The following COL25A1 variants were observed in gnomAD, a reference collection of about 807,000 sequenced individuals.
COL25A1 encodes collagen type XXV alpha 1 chain.
A neutral mutation model predicts 128.4 loss-of-function variants in COL25A1; 103 were observed. The observed-to-expected ratio is 0.80, with a 90% CI of 0.68 to 0.94. COL25A1 has a LOEUF of 0.94. Ranked by LOEUF, COL25A1 falls within the 40% of genes least tolerant of loss-of-function variation. The probability of loss-of-function intolerance (pLI) is 0.00; values close to 1 mark genes in which losing one functional copy is unlikely to be tolerated. For missense variants in COL25A1, 745 were observed against 840.0 expected, an observed-to-expected ratio of 0.89 and a Z score of 1.40; for synonymous variants, 279 against 277.2, an observed-to-expected ratio of 1.01 and a Z score of -0.06.
At position 109,213,624 on chromosome 4, in the gene COL25A1, A is replaced by T. The variant is rs1777761711; in HGVS notation, c.367+86959T>A. The stretch of plus-strand genomic sequence containing the variant: ...AGCCATGTAAGTGAGTCATCTTAGA[A>T]ATGGATCCTGCAGCCCCAGTTGAGC... On this transcript the variant is annotated intron_variant, in intron 3 of 37. Coordinates refer to ENST00000399132, the MANE Select transcript of COL25A1 (RefSeq NM_198721.4). Among the ~76,000 whole-genome samples, 3 of 152,300 alleles carry T rather than the reference A, an allele frequency of 2.0e-5. 1 individual carries two copies. In the South Asian group the frequency reaches 6.2e-4, roughly 32 times the overall value.
intron 3 of COL25A1, among the ~76,000 whole-genome samples, chr4:109,127,089 A>T (rs1768694443): frequency 6.6e-6 from 1 of 152,220 alleles, no homozygotes; most frequent in African/African-American, 2.4e-5. Flanking sequence ...ACATGGCTCA[A>T]GGATGTTAGT....
At chr4:108,869,933 T>C (rs1450555146) in intron 19 of COL25A1, among the ~76,000 whole-genome samples, 1 of 152,040 alleles carries the variant, frequency 6.6e-6, no homozygotes, top group Non-Finnish European at 1.5e-5. Flanking sequence ...AGCAGCAATG[T>C]ATAGAGAAAA....
intron 6 of COL25A1, among the ~76,000 whole-genome samples, chr4:108,984,813 G>T (rs1485301469): frequency 1.3e-5 from 2 of 152,236 alleles, no homozygotes; most frequent in Non-Finnish European, 2.9e-5. Context: ...GTGCAGCGGC[G>T]GGCTGAAGGG....
At chr4:108,929,812 C>A (rs1746517759) in intron 11 of COL25A1, among the ~76,000 whole-genome samples, 1 of 152,076 alleles carries the variant, frequency 6.6e-6, no homozygotes, top group Admixed American at 6.5e-5. Context: ...GGTGACAGAG[C>A]AAGACCCTGT....
At chr4:108,846,357 T>C (rs1016706735) in intron 27 of COL25A1, 138 bp from the exon 28 acceptor site, 7 of 647,668 alleles carry the variant, frequency 1.1e-5, no homozygotes, top group Middle Eastern at 5.1e-4. Flanking sequence ...TGTTTTTAGG[T>C]AGAGTTATTT....
chr4:109,086,772 T>A (rs1394695058), intron 3 of COL25A1, among the ~76,000 whole-genome samples: 4 of 152,040 alleles, frequency 2.6e-5, no homozygotes, highest in African/African-American at 9.7e-5. Flanking sequence ...CTTGGAAGAG[T>A]CTGTTTCTAC....
chr4:109,259,245 C>A (rs1471388003), intron 3 of COL25A1, among the ~76,000 whole-genome samples: 1 of 152,088 alleles, frequency 6.6e-6, no homozygotes, highest in African/African-American at 2.4e-5. Flanking sequence ...AGTAACCAAA[C>A]TACTTTTCAC....
intron 3 of COL25A1, among the ~76,000 whole-genome samples, chr4:109,159,391 G>A (rs1461045400): frequency 2.0e-5 from 3 of 151,998 alleles, no homozygotes; most frequent in South Asian, 2.1e-4. Flanking sequence ...AAAAGGTAAC[G>A]TATATGGGCA....
intron 13 of COL25A1, among the ~76,000 whole-genome samples, chr4:108,903,999 T>C (rs1353700387): frequency 6.6e-6 from 1 of 152,110 alleles, no homozygotes; most frequent in Non-Finnish European, 1.5e-5. Context: ...GAGAGCATTT[T>C]ACCCTTATAA....
In COL25A1 at chr4:109,211,433, G is replaced by A. The variant is rs1211544634; in HGVS notation, c.367+89150C>T. On this transcript the variant is annotated intron_variant, in intron 3 of 37. Coordinates refer to ENST00000399132, the MANE Select transcript of COL25A1 (RefSeq NM_198721.4). ...TCATCTCCTATCCTGTTTGCTAGCTGTTCACTCTGAGCCTTCCTTAATGTT... is the reference window on the plus strand; with the variant it reads ...TCATCTCCTATCCTGTTTGCTAGCTATTCACTCTGAGCCTTCCTTAATGTT... 3.8e-5 allele frequency among the ~76,000 whole-genome samples: 5 copies of A among 130,306 alleles called. No homozygotes were observed. In the East Asian group the frequency reaches 1.1e-3, roughly 28 times the overall value. 85.5% of individuals were successfully genotyped at this position (130,306 alleles called of 152,430 possible). A position where few individuals can be genotyped will look rare whatever the true frequency, so the allele number is the denominator to read the frequency against.
chr4:109,241,315 G>A (rs1007037932), intron 3 of COL25A1, among the ~76,000 whole-genome samples: 2 of 151,764 alleles, frequency 1.3e-5, no homozygotes, highest in Non-Finnish European at 2.9e-5. Flanking sequence ...TTTTAGCTTT[G>A]CCAACATTCT....
chr4:108,860,625 T>C lies in COL25A1; in HGVS notation c.1242+302A>G, dbSNP rs527342078. Among the ~76,000 whole-genome samples, 41 of 152,246 alleles carry C rather than the reference T, an allele frequency of 2.7e-4. 1 individual carries two copies. Among genetic ancestry groups the C allele is most frequent in the African/African-American group, 9.1e-4 (38 of 41,544 alleles). On this transcript the variant is annotated intron_variant, in intron 23 of 37. Coordinates refer to ENST00000399132, the MANE Select transcript of COL25A1 (RefSeq NM_198721.4). ...ATATGGGTTATTGCTTTCTTTATAA[T>C]TGAGTTAATTGAAAAGTGGAAAATT...
At chr4:108,982,489 G>A (rs1039857288) in intron 6 of COL25A1, among the ~76,000 whole-genome samples, 3 of 152,080 alleles carry the variant, frequency 2.0e-5, no homozygotes, top group Non-Finnish European at 1.5e-5. Context: ...GAATTGAAAG[G>A]CCCAGAAAGA....
chr4:108,834,464 C>A, intron 31 of COL25A1: 1 of 1,320,648 alleles, frequency 7.6e-7, no homozygotes, highest in South Asian at 1.3e-5. Context: ...TATGAGGTAC[C>A]GATGAACAAA....
intron 18 of COL25A1, among the ~76,000 whole-genome samples, chr4:108,884,841 T>C (rs1233681415): frequency 1.3e-5 from 2 of 152,230 alleles, no homozygotes; most frequent in African/African-American, 4.8e-5. Context: ...AATGGTACTA[T>C]GCAGCTGTTG....
chr4:109,097,227 T>C (rs1161239256), intron 3 of COL25A1, among the ~76,000 whole-genome samples: 1 of 152,204 alleles, frequency 6.6e-6, no homozygotes, highest in East Asian at 1.9e-4. Context: ...CTGGTCTGTT[T>C]GTGCCTAGTG....
At chr4:109,180,207 C>T (rs1356970270) in intron 3 of COL25A1, among the ~76,000 whole-genome samples, 1 of 152,066 alleles carries the variant, frequency 6.6e-6, no homozygotes, top group African/African-American at 2.4e-5. Context: ...TTAGTAAATA[C>T]ACACAAATGA....
chr4:109,126,338 C>T (rs1477028070), intron 3 of COL25A1, among the ~76,000 whole-genome samples: 1 of 151,958 alleles, frequency 6.6e-6, no homozygotes, highest in East Asian at 1.9e-4. Context: ...AATGTATTTG[C>T]AAACAATGTG....
At chr4:108,886,490 G>GTTTTTTTTTT (rs201934712) in intron 18 of COL25A1, among the ~76,000 whole-genome samples, 1 of 41,862 alleles carries the variant, frequency 2.4e-5, no homozygotes, top group African/African-American at 7.6e-5. Flanking sequence ...GTGTGTGTGT[G>GTTTTTTTTTT]TGTTTAGCTC....
Sources: gnomAD v4.1 joint callset for allele counts (sites outside exome capture counted in the v4.1 genomes callset) on GRCh38, gnomAD v4.1.1 for gene constraint, MANE v1.5 for transcripts, NCBI Gene and HGNC (gene_info 2026-07-23, HGNC 2026-07-21) for gene names.